Variants in LHFPL3 observed in about 807,000 individuals in gnomAD.
LHFPL3 encodes LHFPL tetraspan subfamily member 3.
LHFPL3 carries 5 observed loss-of-function variants against 19.3 expected under a neutral mutation model. The observed-to-expected ratio is 0.26, with a 90% CI of 0.14 to 0.54. The LOEUF is 0.54. Among genes scored for constraint, LHFPL3 ranks in the 20% least tolerant of loss-of-function variants. The pLI, the probability that LHFPL3 is intolerant of heterozygous loss-of-function variation, is 0.94. For synonymous variants in LHFPL3, 133 were observed against 126.2 expected, an observed-to-expected ratio of 1.05 and a Z score of -0.36; for missense variants, 249 against 307.4, an observed-to-expected ratio of 0.81 and a Z score of 1.42.
chr7:104,572,263 T>C (rs1790244435), intron 1 of LHFPL3, among the ~76,000 whole-genome samples: 1 of 151,082 alleles, frequency 6.6e-6, no homozygotes, highest in African/African-American at 2.5e-5. Context: ...TATATTTTGT[T>C]ATAAAAGACA....
chr7:104,632,238 A>G (rs1471830905), intron 1 of LHFPL3, among the ~76,000 whole-genome samples: 1 of 152,188 alleles, frequency 6.6e-6, no homozygotes, highest in African/African-American at 2.4e-5. Flanking sequence ...ATCGCTTTGT[A>G]TATTTACGTA....
At chr7:104,886,911 C>T (rs1454130240) in intron 2 of LHFPL3, among the ~76,000 whole-genome samples, 1 of 152,202 alleles carries the variant, frequency 6.6e-6, no homozygotes, top group Non-Finnish European at 1.5e-5. Context: ...TCTTTAAGTC[C>T]TCCCGGGGTC....
intron 1 of LHFPL3, among the ~76,000 whole-genome samples, chr7:104,421,766 A>T (rs1229499809): frequency 1.3e-5 from 2 of 152,210 alleles, no homozygotes; most frequent in African/African-American, 4.8e-5. Context: ...TGTAAAGAAA[A>T]GATAGCTGAT....
chr7:104,736,048 A>T (rs1405770110), intron 1 of LHFPL3, among the ~76,000 whole-genome samples: 1 of 152,142 alleles, frequency 6.6e-6, no homozygotes, highest in Non-Finnish European at 1.5e-5. Flanking sequence ...AGGATCCTCC[A>T]TGTTGTTTTC....
rs1801522469 is a variant in LHFPL3 at position 104,329,233 on chromosome 7, G to C, written c.445+9G>C. 1 of 1,590,174 alleles carries C rather than the reference G, an allele frequency of 6.3e-7. No homozygotes were observed. Among genetic ancestry groups the C allele is most frequent in the Non-Finnish European group, 8.6e-7 (1 of 1,164,864 alleles). On this transcript the variant is annotated intron_variant, in intron 1 of 2. Coordinates refer to ENST00000424859, the MANE Select transcript of LHFPL3 (RefSeq NM_199000.3). Reference sequence around the variant, plus strand: ...GATGCAGCTCACCTCCGGTGAGTGCGCGCTCACCTCCGCGGAGGCGGAGGA... The same window carrying C: ...GATGCAGCTCACCTCCGGTGAGTGCCCGCTCACCTCCGCGGAGGCGGAGGA...
chr7:104,762,922 C>T (rs1234272179), intron 2 of LHFPL3, among the ~76,000 whole-genome samples: 1 of 152,170 alleles, frequency 6.6e-6, no homozygotes, highest in Non-Finnish European at 1.5e-5. Context: ...TAACCCAAGG[C>T]TCTGCAGTCT....
chr7:104,550,573 C>T (rs1351597586), intron 1 of LHFPL3, among the ~76,000 whole-genome samples: 1 of 152,104 alleles, frequency 6.6e-6, no homozygotes, highest in Non-Finnish European at 1.5e-5. Flanking sequence ...AATGAAGAGC[C>T]TTGATTGCAC....
intron 1 of LHFPL3, among the ~76,000 whole-genome samples, chr7:104,640,822 T>G (rs570423600): frequency 6.6e-6 from 1 of 152,366 alleles, no homozygotes; most frequent in South Asian, 2.1e-4. Flanking sequence ...CCTTATTCCC[T>G]AAATAAGGAA....
chr7:104,407,147 T>A (rs560989826), intron 1 of LHFPL3, among the ~76,000 whole-genome samples: 1 of 152,216 alleles, frequency 6.6e-6, no homozygotes, highest in Non-Finnish European at 1.5e-5. Context: ...TCTTCCTTTC[T>A]TTAAGTTATT....
intron 1 of LHFPL3, among the ~76,000 whole-genome samples, chr7:104,648,146 A>G (rs898792586): frequency 3.3e-5 from 5 of 152,138 alleles, no homozygotes; most frequent in African/African-American, 4.8e-5. Flanking sequence ...AAGCATGAAG[A>G]TATTTACTCC....
intron 1 of LHFPL3, among the ~76,000 whole-genome samples, chr7:104,646,366 A>T (rs758056476): frequency 2.0e-5 from 3 of 152,224 alleles, no homozygotes; most frequent in Non-Finnish European, 4.4e-5. Flanking sequence ...CGCTATTAAC[A>T]TTCTTTAAGC....
At chr7:104,356,276 T>C (rs2116399521) in intron 1 of LHFPL3, among the ~76,000 whole-genome samples, 1 of 152,320 alleles carries the variant, frequency 6.6e-6, no homozygotes, top group South Asian at 2.1e-4. Context: ...TTGTTTCCTG[T>C]ACTCCTTCCT....
chr7:104,691,530 T>C (rs1427719592), intron 1 of LHFPL3, among the ~76,000 whole-genome samples: 1 of 152,262 alleles, frequency 6.6e-6, no homozygotes, highest in Non-Finnish European at 1.5e-5. Context: ...GGCAGAACTT[T>C]AAGCAGTGCA....
intron 2 of LHFPL3, among the ~76,000 whole-genome samples, chr7:104,817,030 T>C (rs1790569239): frequency 6.6e-6 from 1 of 152,126 alleles, no homozygotes; most frequent in African/African-American, 2.4e-5. Flanking sequence ...TCCCCCTCTT[T>C]CCACCCAGGC....
At position 104,734,122 on chromosome 7, in the gene LHFPL3, T is replaced by C. The variant is rs181972786; in HGVS notation, c.446-2553T>C. On this transcript the variant is annotated intron_variant, in intron 1 of 2. Transcript: ENST00000424859. ...AGTCTGATGGGCTTCCCTTTGTGGG[T>C]AACCCGACCTTTCTCTCTGGCTGCC... is the stretch of plus-strand genomic sequence containing the variant. Among the ~76,000 whole-genome samples, 378 of 152,344 alleles carry C rather than the reference T, an allele frequency of 2.5e-3. 2 individuals carry two copies. The highest frequency in any genetic ancestry group is 8.8e-3 in the African/African-American group (364 of 41,570).
At chr7:104,893,499 G>A (rs1485267986) in intron 2 of LHFPL3, among the ~76,000 whole-genome samples, 1 of 151,742 alleles carries the variant, frequency 6.6e-6, no homozygotes, top group African/African-American at 2.4e-5. Flanking sequence ...TCCAGCCTGG[G>A]TGACAGAGCA....
chr7:104,830,789 T>G (rs1280385700), intron 2 of LHFPL3, among the ~76,000 whole-genome samples: 3 of 151,944 alleles, frequency 2.0e-5, no homozygotes, highest in South Asian at 2.1e-4. Flanking sequence ...TTTGTTCTTT[T>G]GGCTTAGGAT....
At chr7:104,865,454 C>T (rs985291756) in intron 2 of LHFPL3, among the ~76,000 whole-genome samples, 3 of 152,104 alleles carry the variant, frequency 2.0e-5, no homozygotes, top group Admixed American at 2.0e-4. Context: ...CCGATTCGAT[C>T]AACTGGAAGA....
chr7:104,905,059 G>A (rs993617253), intron 2 of LHFPL3, among the ~76,000 whole-genome samples: 14 of 152,110 alleles, frequency 9.2e-5, no homozygotes, highest in African/African-American at 3.4e-4. Flanking sequence ...GGGCTCAAGC[G>A]ATCCTCCCAC....
Sources: allele counts gnomAD v4.1 joint callset (sites outside exome capture counted in the v4.1 genomes callset), GRCh38; gene constraint gnomAD v4.1.1; transcripts MANE v1.5; gene names NCBI Gene and HGNC (gene_info 2026-07-23, HGNC 2026-07-21).